The following STK32A variants were observed in gnomAD, a reference collection of about 807,000 sequenced individuals.
STK32A encodes the protein serine/threonine kinase 32A.
Under a neutral mutation model 53.2 loss-of-function variants are expected in STK32A, and 41 were observed. The observed-to-expected ratio is 0.77, with a 90% CI of 0.60 to 1.00. The LOEUF (loss-of-function observed/expected upper bound fraction) is 1.00. Ranked by LOEUF, STK32A falls within the 50% of genes least tolerant of loss-of-function variation. The pLI is 0.00. For missense variants in STK32A, 458 were observed against 485.8 expected, an observed-to-expected ratio of 0.94 and a Z score of 0.54; for synonymous variants, 166 against 162.8, an observed-to-expected ratio of 1.02 and a Z score of -0.15.
chr5:147,362,906 A>G (rs1317951293), intron 8 of STK32A, among the ~76,000 whole-genome samples: 1 of 151,148 alleles, frequency 6.6e-6, no homozygotes, highest in Non-Finnish European at 1.5e-5. Flanking sequence ...CACATGGGAG[A>G]CCCTGTGTCT....
At chr5:147,397,761 C>T in the STK32A span, 2 of 1,614,204 alleles carry the variant, frequency 1.2e-6, no homozygotes, top group Non-Finnish European at 1.7e-6. Flanking sequence ...AGGTTGCCAT[C>T]TTCCAGCATG....
At chr5:147,292,684 C>T (rs370427280) in intron 4 of STK32A, among the ~76,000 whole-genome samples, 28 of 152,176 alleles carry the variant, frequency 1.8e-4, no homozygotes, top group African/African-American at 6.7e-4. Context: ...GCCTGACCAA[C>T]ATGGAGAAAC....
At chr5:147,285,476 T>G (rs1395698057) in intron 4 of STK32A, among the ~76,000 whole-genome samples, 1 of 152,062 alleles carries the variant, frequency 6.6e-6, no homozygotes, top group African/African-American at 2.4e-5. Flanking sequence ...ACTAAAGAGC[T>G]TTTGCATGGC....
intron 2 of STK32A, among the ~76,000 whole-genome samples, chr5:147,249,678 CG>C (rs1753897142): frequency 6.6e-6 from 1 of 151,546 alleles, no homozygotes; most frequent in Non-Finnish European, 1.5e-5. Context: ...TTTGGGAGGC[CG>C]AGGGGGGTGG....
chr5:147,401,463 G>GCT, the STK32A span: 9 of 1,474,840 alleles, frequency 6.1e-6, no homozygotes, highest in African/African-American at 1.3e-4. Context: ...AGATGGGACT[G>GCT]CTCCTGTCCT....
chr5:147,284,886 T>C (rs1398448929), intron 4 of STK32A, among the ~76,000 whole-genome samples: 1 of 152,022 alleles, frequency 6.6e-6, no homozygotes, highest in Non-Finnish European at 1.5e-5. Context: ...CCAAAAGCAA[T>C]CTATAAATTC....
intron 2 of STK32A, among the ~76,000 whole-genome samples, chr5:147,248,136 A>G (rs1359464666): frequency 6.6e-6 from 1 of 151,996 alleles, no homozygotes; most frequent in African/African-American, 2.4e-5. Context: ...AAAAAAAAAA[A>G]AAAAAGTGTA....
At chr5:147,380,308 G>A (rs755692587) in intron 11 of STK32A, among the ~76,000 whole-genome samples, 35 of 152,012 alleles carry the variant, frequency 2.3e-4, no homozygotes, top group Non-Finnish European at 4.6e-4. Context: ...AAATGCTTCC[G>A]TTTGCAAGTA....
intron 4 of STK32A, among the ~76,000 whole-genome samples, chr5:147,283,515 T>C (rs548023683): frequency 6.7e-6 from 1 of 149,558 alleles, no homozygotes; most frequent in Non-Finnish European, 1.5e-5. Flanking sequence ...GATGGTTCTT[T>C]GAAAAGATAA....
At chr5:147,242,667 A>T (rs921478554) in intron 2 of STK32A, among the ~76,000 whole-genome samples, 62 of 152,234 alleles carry the variant, frequency 4.1e-4, no homozygotes, top group African/African-American at 1.4e-3. Context: ...TGACAAAATC[A>T]GGATTGAACA....
intron 2 of STK32A, among the ~76,000 whole-genome samples, chr5:147,248,445 ATATAT>A (rs2151941220): frequency 6.6e-6 from 1 of 152,270 alleles, no homozygotes; most frequent in South Asian, 2.1e-4. Context: ...TTTTTGTAAG[ATATAT>A]TATTTAATGG....
chr5:147,239,905 C>A, intron 2 of STK32A: 1 of 524,070 alleles, frequency 1.9e-6, no homozygotes, highest in Non-Finnish European at 3.4e-6. Flanking sequence ...TCCACTATAC[C>A]AATGTCCTTT....
At chr5:147,322,538 C>T (rs1754370926) in intron 4 of STK32A, among the ~76,000 whole-genome samples, 1 of 152,064 alleles carries the variant, frequency 6.6e-6, no homozygotes. Context: ...CATTTATTTC[C>T]TCAGCAAATA....
In STK32A at chr5:147,347,802, T is replaced by G. The variant is rs140761642; in HGVS notation, c.473-3263T>G. On this transcript the variant is annotated intron_variant, in intron 6 of 12. Transcript: ENST00000397936. ...AAAACACAGAAGGGAACCTGGCAGA[T>G]AGGTCACCATGGTAAGGAGAAGCAA... Among the ~76,000 whole-genome samples, 936 of 152,280 alleles carry G rather than the reference T, an allele frequency of 6.1e-3. 14 individuals carry two copies. The highest frequency in any genetic ancestry group is 0.021 in the African/African-American group (888 of 41,556).
intron 2 of STK32A, among the ~76,000 whole-genome samples, chr5:147,245,257 C>T (rs1753729311): frequency 6.6e-6 from 1 of 152,076 alleles, no homozygotes; most frequent in Admixed American, 6.5e-5. Flanking sequence ...ATAAGTAATC[C>T]CATTTGATCA....
intron 5 of STK32A, among the ~76,000 whole-genome samples, chr5:147,335,062 T>G (rs1292193300): frequency 6.6e-6 from 1 of 152,202 alleles, no homozygotes; most frequent in Non-Finnish European, 1.5e-5. Context: ...TAAAAGTATG[T>G]GAATGCAGTC....
downstream of STK32A, chr5:147,392,577 T>C (rs1757843075): frequency 6.6e-6 from 1 of 152,238 alleles, no homozygotes; most frequent in South Asian, 2.1e-4. Context: ...CTTGGTTCTA[T>C]AGATTCTTAT....
chr5:147,400,580 C>T, the STK32A span: 12 of 1,401,372 alleles, frequency 8.6e-6, no homozygotes, highest in African/African-American at 2.9e-5. Flanking sequence ...TCAGCAAGTA[C>T]GAGATCCCAT....
intron 11 of STK32A, among the ~76,000 whole-genome samples, chr5:147,376,243 T>A (rs145072633): frequency 2.2e-4 from 34 of 152,312 alleles, no homozygotes; most frequent in African/African-American, 8.2e-4. Flanking sequence ...ATCACAGAAC[T>A]GGCTTCTCGT....
Sources: allele counts gnomAD v4.1 joint callset (sites outside exome capture counted in the v4.1 genomes callset), GRCh38; gene constraint gnomAD v4.1.1; transcripts MANE v1.5; gene names NCBI Gene and HGNC (gene_info 2026-07-23, HGNC 2026-07-21).